CDH4: variants seen among roughly 807,000 people sequenced by gnomAD.
CDH4 encodes the protein cadherin 4.
In CDH4, 33 loss-of-function variants were observed where a neutral mutation model predicts 86.0. The ratio of observed to expected loss-of-function variants is 0.38; its 90% CI spans 0.29 to 0.51. The LOEUF (loss-of-function observed/expected upper bound fraction) is 0.51, where lower values mean the gene tolerates loss of function less well. CDH4 is among the 20% of genes least tolerant of loss of function. The pLI, the probability that CDH4 is intolerant of heterozygous loss-of-function variation, is 0.86. For missense variants in CDH4, 1,114 were observed against 1,307.4 expected, an observed-to-expected ratio of 0.85 and a Z score of 2.28; for synonymous variants, 555 against 549.4, an observed-to-expected ratio of 1.01 and a Z score of -0.14.
chr20:61,540,919 C>T (rs574155085), intron 2 of CDH4, among the ~76,000 whole-genome samples: 1 of 152,158 alleles, frequency 6.6e-6, no homozygotes, highest in African/African-American at 2.4e-5. Context: ...TTACAAACTC[C>T]CCCTGCGACC....
Position 61,812,892 on chromosome 20 carries a change from G to T in CDH4, c.577-31776G>T, listed in dbSNP as rs531444666. ...CACCTGCACAGCCAGGAACAGATGAGGAAAAATCACAGCCGCCTGGTAACA... is the reference window on the plus strand; with the variant it reads ...CACCTGCACAGCCAGGAACAGATGATGAAAAATCACAGCCGCCTGGTAACA... On this transcript the variant is annotated intron_variant, in intron 4 of 15. Transcript: ENST00000614565. Among the ~76,000 whole-genome samples the T allele has an allele frequency of 3.3e-5, 5 of 152,278 alleles. No homozygotes were observed. The South Asian group carries it at 1.0e-3, about 32-fold the overall frequency.
chr20:61,389,044 T>C (rs961402838), intron 2 of CDH4, among the ~76,000 whole-genome samples: 6 of 152,390 alleles, frequency 3.9e-5, no homozygotes, highest in African/African-American at 1.4e-4. Flanking sequence ...AGCTTCCTTT[T>C]ATGTATGGCT....
chr20:61,838,843 G>GA (rs1982002123), intron 4 of CDH4, among the ~76,000 whole-genome samples: 1 of 96,996 alleles, frequency 1.0e-5, no homozygotes, highest in Non-Finnish European at 2.0e-5. Context: ...AAAAAAGAAA[G>GA]AAAGAAAAGG....
At chr20:61,448,654 G>A (rs2085364934) in intron 2 of CDH4, among the ~76,000 whole-genome samples, 1 of 152,114 alleles carries the variant, frequency 6.6e-6, no homozygotes, top group Non-Finnish European at 1.5e-5. Context: ...TCACCATTCT[G>A]GTGGTAGAAA....
intron 2 of CDH4, among the ~76,000 whole-genome samples, chr20:61,484,133 G>A (rs1204523607): frequency 1.3e-5 from 2 of 151,968 alleles, no homozygotes; most frequent in East Asian, 3.9e-4. Context: ...ACTCACCCCT[G>A]GGAAGCAGCA....
intron 2 of CDH4, among the ~76,000 whole-genome samples, chr20:61,318,238 C>T (rs907344275): frequency 6.6e-5 from 10 of 152,284 alleles, no homozygotes; most frequent in Admixed American, 2.6e-4. Context: ...ACGACTCTCC[C>T]GTATGTTCCT....
chr20:61,824,816 C>T (rs1327209658), intron 4 of CDH4, among the ~76,000 whole-genome samples: 1 of 152,208 alleles, frequency 6.6e-6, no homozygotes, highest in Non-Finnish European at 1.5e-5. Context: ...AATACCGGGC[C>T]ATGTGCCTTG....
In CDH4 at chr20:61,685,480, G is replaced by A. The variant is rs371473155; in HGVS notation, c.170-58083G>A. 1.0e-3 allele frequency among the ~76,000 whole-genome samples: 155 copies of A among 152,298 alleles called. 4 individuals carry two copies. In the South Asian group the frequency reaches 0.02, roughly 20 times the overall value. On this transcript the variant is annotated intron_variant, in intron 2 of 15. Transcript: ENST00000614565. ...GCTTGGGCCCCTTCATCTCCCCTGC[G>A]GAGAGTGCCTGCTCTCATCAGTCCC...
At chr20:61,454,120 G>C (rs193119141) in intron 2 of CDH4, among the ~76,000 whole-genome samples, 2 of 152,190 alleles carry the variant, frequency 1.3e-5, no homozygotes, top group African/African-American at 4.8e-5. Flanking sequence ...GGCCATCCTG[G>C]TGACCTGTGT....
At position 61,276,290 on chromosome 20, in the gene CDH4, T is replaced by C. The variant is rs183369784; in HGVS notation, c.169+21353T>C. On this transcript the variant is annotated intron_variant, in intron 2 of 15. Transcript: ENST00000614565. ...TTAAGCTAGAACTTAAGACCGGAAGTGCACATTTGCACTTTCAAACTCAAC... is the reference window on the plus strand; with the variant it reads ...TTAAGCTAGAACTTAAGACCGGAAGCGCACATTTGCACTTTCAAACTCAAC... 2.3e-3 allele frequency among the ~76,000 whole-genome samples: 348 copies of C among 152,326 alleles called. 1 individual carries two copies. Among genetic ancestry groups the C allele is most frequent in the Admixed American group, 6.5e-3 (100 of 15,312 alleles).
intron 2 of CDH4, among the ~76,000 whole-genome samples, chr20:61,616,135 A>G (rs2086723400): frequency 6.6e-6 from 1 of 152,248 alleles, no homozygotes; most frequent in African/African-American, 2.4e-5. Context: ...TCAGGGGCAC[A>G]GGCAGGGAGA....
chr20:61,839,248 C>T lies in CDH4; in HGVS notation c.577-5420C>T, dbSNP rs555810274. Among the ~76,000 whole-genome samples the T allele has an allele frequency of 2.6e-5, 4 of 152,274 alleles. No individual in the cohort carries two copies. The East Asian group carries it at 7.7e-4, about 29-fold the overall frequency. On this transcript the variant is annotated intron_variant, in intron 4 of 15. Coordinates refer to ENST00000614565, the MANE Select transcript of CDH4 (RefSeq NM_001794.5). ...GGCCCATGAATGCAGAATGGCCGCC[C>T]CTTTCCATTCTGAAAGGATATCCCG...
Position 61,804,860 on chromosome 20 carries a change from A to C in CDH4, c.576+31678A>C, listed in dbSNP as rs575374745. Among the ~76,000 whole-genome samples the C allele has an allele frequency of 2.0e-5, 3 of 152,352 alleles. No individual in the cohort carries two copies. In the East Asian group the frequency reaches 5.8e-4, roughly 29 times the overall value. On this transcript the variant is annotated intron_variant, in intron 4 of 15. Coordinates refer to ENST00000614565, the MANE Select transcript of CDH4 (RefSeq NM_001794.5). ...AACTCTAAAAGGCAGAGGCCAGTGA[A>C]AAGTGCAAGATTTATGGGGCACATA...
intron 2 of CDH4, among the ~76,000 whole-genome samples, chr20:61,441,675 A>G (rs1463816649): frequency 2.0e-5 from 3 of 152,178 alleles, no homozygotes; most frequent in Non-Finnish European, 4.4e-5. Flanking sequence ...ATGTGAGCAC[A>G]CATAGAAAGT....
At chr20:61,756,217 C>T (rs530564537) in intron 3 of CDH4, among the ~76,000 whole-genome samples, 1 of 152,316 alleles carries the variant, frequency 6.6e-6, no homozygotes, top group Non-Finnish European at 1.5e-5. Context: ...GAGTCTGCAT[C>T]CTGGGCCTGC....
At chr20:61,778,472 G>A (rs149997995) in intron 4 of CDH4, among the ~76,000 whole-genome samples, 6 of 152,174 alleles carry the variant, frequency 3.9e-5, no homozygotes, top group Admixed American at 3.3e-4. Flanking sequence ...AAGCACTAAC[G>A]GCACCACGCA....
chr20:61,590,297 A>T (rs1171745784), intron 2 of CDH4, among the ~76,000 whole-genome samples: 1 of 152,082 alleles, frequency 6.6e-6, no homozygotes, highest in Non-Finnish European at 1.5e-5. Flanking sequence ...GCCTGAGCTG[A>T]GTCCTCTGAT....
chr20:61,535,111 C>G (rs528697857), intron 2 of CDH4, among the ~76,000 whole-genome samples: 3 of 152,222 alleles, frequency 2.0e-5, no homozygotes, highest in Non-Finnish European at 4.4e-5. Context: ...GGATGGGTGG[C>G]GCTGGTTGAG....
rs965408700 is a variant in CDH4, at chr20:61,417,853, C to A, written c.169+162916C>A. Among the ~76,000 whole-genome samples, 3 of 152,062 alleles carry A rather than the reference C, an allele frequency of 2.0e-5. 1 individual carries two copies. The highest frequency in any genetic ancestry group is 2.0e-4 in the Admixed American group (3 of 15,274). Reference sequence around the variant, plus strand: ...ACTTCAGTGTACTGTGGTCCTGGGCCAAGGGGCCAGGCCAGGAGCAGCAGG... The same window carrying A: ...ACTTCAGTGTACTGTGGTCCTGGGCAAAGGGGCCAGGCCAGGAGCAGCAGG... On this transcript the variant is annotated intron_variant, in intron 2 of 15. Coordinates refer to ENST00000614565, the MANE Select transcript of CDH4 (RefSeq NM_001794.5). The surrounding 1 kb of genome is among the most constrained non-coding windows in gnomAD (Gnocchi z 4.0).
Sources: gnomAD v4.1 joint callset for allele counts (sites outside exome capture counted in the v4.1 genomes callset) on GRCh38, gnomAD v4.1.1 for gene constraint, Gnocchi (gnomAD v3.1) non-coding constraint, MANE v1.5 for transcripts, NCBI Gene and HGNC (gene_info 2026-07-23, HGNC 2026-07-21) for gene names.